MED16: variants seen among roughly 807,000 people sequenced by gnomAD.
MED16 encodes mediator of RNA polymerase II transcription subunit 16.
A neutral mutation model predicts 84.4 loss-of-function variants in MED16; 81 were observed. The ratio of observed to expected loss-of-function variants is 0.96; its 90% CI spans 0.80 to 1.15. The LOEUF (loss-of-function observed/expected upper bound fraction) is 1.15, where lower values mean the gene tolerates loss of function less well. Ranked by LOEUF, MED16 falls within the 50% of genes most tolerant of loss-of-function variation. The pLI is 0.00. For missense variants in MED16, 1,585 were observed against 1,245.9 expected, an observed-to-expected ratio of 1.27 and a Z score of -4.10; for synonymous variants, 897 against 552.2, an observed-to-expected ratio of 1.62 and a Z score of -8.76.
At chr19:875,094 G>A in intron 10 of MED16, 150 bp downstream of exon 10, 2 of 495,682 alleles carry the variant, frequency 4.0e-6, no homozygotes, top group East Asian at 3.4e-5. Flanking sequence ...AACCAGAGAG[G>A]CGGAGGCTGC....
chr19:882,657 C>T (rs1390113718), intron 6 of MED16, among the ~76,000 whole-genome samples: 7 of 152,342 alleles, frequency 4.6e-5, no homozygotes, highest in Middle Eastern at 3.4e-3. Context: ...CACGCCACCT[C>T]GGCTGCTAAC....
At chr19:876,877 G>A (rs1040469355) in intron 9 of MED16, 97 bp downstream of exon 9, 13 of 1,286,678 alleles carry the variant, frequency 1.0e-5, no homozygotes, top group Non-Finnish European at 1.3e-5. Flanking sequence ...ACCTGCCACG[G>A]GGCCCCCACC....
intron 1 of MED16, 94 bp from the exon 2 acceptor site, chr19:891,243 G>A (rs529997030): frequency 4.9e-5 from 61 of 1,247,284 alleles, no homozygotes; most frequent in African/African-American, 1.2e-4. Context: ...ATGGAGGCCC[G>A]TGGTAGAGGG....
chr19:880,211 G>T, intron 7 of MED16, 63 bp from the exon 8 acceptor site: 2 of 1,469,758 alleles, frequency 1.4e-6, no homozygotes, highest in South Asian at 1.3e-5. Context: ...CGGGGGAGGG[G>T]CCTCCTGCTC....
intron 13 of MED16, among the ~76,000 whole-genome samples, chr19:870,566 C>CA (rs1227950208): frequency 0.23 from 23,607 of 103,502 alleles, 2,435 homozygotes; most frequent in Non-Finnish European, 0.27. Context: ...GTCGGGGAGA[C>CA]AAAAAAAAAA....
At position 871,177 on chromosome 19, in the gene MED16, A is replaced by G. The variant is rs2036042526; in HGVS notation, c.2175T>C (p.Leu725=). 6.5e-7 allele frequency: 1 copy of G among 1,549,436 alleles called. No individual in the cohort carries two copies. The highest frequency in any genetic ancestry group is 8.7e-7 in the Non-Finnish European group (1 of 1,146,428). ...CTGGCAGCCAGTCCAGGCTGGGGAT[A>G]AGCAGCTGGCTGGGCAGCAGGCAGC... ...DECCLLPSQL[L]IPSLDWLPAS... is the part of the protein sequence containing the mutation. The change falls in exon 13 of 16, where the codon CTT becomes CTC. Residue 725 remains leucine, a synonymous_variant. Coordinates refer to ENST00000325464, the MANE Select transcript of MED16 (RefSeq NM_005481.3).
chr19:889,676 G>C lies in MED16; in HGVS notation c.409C>G (p.Leu137Val). Residue 137 changes from leucine (L) to valine (V), a missense_variant, in exon 4 of 16, where the codon CTG (leucine) becomes GTG (valine). Coordinates refer to ENST00000325464, the MANE Select transcript of MED16 (RefSeq NM_005481.3). The part of the protein sequence containing the change: ...EGDPIVALSW[L>V]HNGVKLALHV... Reference sequence around the variant, plus strand: ...AGGGCCAGTTTCACACCATTGTGCAGCCAGGACAGGGCCACAATGGGGTCC... The same window carrying C: ...AGGGCCAGTTTCACACCATTGTGCACCCAGGACAGGGCCACAATGGGGTCC... The C allele has an allele frequency of 1.2e-6, 2 of 1,613,872 alleles. No individual in the cohort carries two copies. Among genetic ancestry groups the C allele is most frequent in the South Asian group, 1.1e-5 (1 of 91,076 alleles).
In MED16 at chr19:881,728, G is replaced by A. The variant is rs745717218; in HGVS notation, c.986-14C>T. On this transcript the variant is annotated splice_polypyrimidine_tract_variant and intron_variant, in intron 6 of 15. Coordinates refer to ENST00000325464, the MANE Select transcript of MED16 (RefSeq NM_005481.3). ...GTTTGTCGCCAACTGAAAAATCAGG[G>A]GCAGGAAAACAGGAAGGCAATGGAG... The A allele has an allele frequency of 4.4e-6, 7 of 1,607,368 alleles. No individual in the cohort carries two copies. The highest frequency in any genetic ancestry group is 1.1e-5 in the South Asian group (1 of 90,736).
intron 1 of MED16, among the ~76,000 whole-genome samples, chr19:891,997 TGA>T (rs2036646588): frequency 7.7e-6 from 1 of 129,620 alleles, no homozygotes; most frequent in Admixed American, 7.7e-5. Flanking sequence ...GAGGCGGGGC[TGA>T]GTGTGACGGG....
chr19:868,023 G>C lies in MED16; in HGVS notation c.*78C>G. The C allele has an allele frequency of 6.7e-7, 1 of 1,502,366 alleles. No individual in the cohort carries two copies. The highest frequency in any genetic ancestry group is 8.9e-7 in the Non-Finnish European group (1 of 1,126,216). 93.1% of individuals were successfully genotyped at this position (1,502,366 alleles called of 1,614,324 possible). ...CAGCCGCTGCTTGTCCAGGTTCAGC[G>C]CTCTCCGCGGGTGAGGCAAGGAAAC... is the stretch of plus-strand genomic sequence containing the variant. On this transcript the variant is annotated 3_prime_UTR_variant, in exon 16 of 16. Coordinates refer to ENST00000325464, the MANE Select transcript of MED16 (RefSeq NM_005481.3).
At chr19:879,121 CCCCCAGCCCCAG>C (rs1284979363) in intron 8 of MED16, among the ~76,000 whole-genome samples, 3 of 120,174 alleles carry the variant, frequency 2.5e-5, no homozygotes, top group East Asian at 2.7e-4. Context: ...TTGTCAATAC[CCCCCAGCCCCAG>C]CCCCAGCCCC....
At position 877,187 on chromosome 19, in the gene MED16, G is replaced by C. The variant is rs994237986; in HGVS notation, c.1354-7C>G. On this transcript the variant is annotated splice_region_variant and splice_polypyrimidine_tract_variant and intron_variant, in intron 8 of 15. Transcript: ENST00000325464. ...AGAGGCGGAGCACGCTCAGCTGCCA[G>C]AGACAGAGCCCAAGGAGAGCCCGGT... The C allele has an allele frequency of 2.5e-6, 4 of 1,604,234 alleles. No homozygotes were observed. Among genetic ancestry groups the C allele is most frequent in the Admixed American group, 3.4e-5 (2 of 58,912 alleles).
chr19:886,433 G>A (rs2036529784), intron 4 of MED16, among the ~76,000 whole-genome samples: 1 of 152,248 alleles, frequency 6.6e-6, no homozygotes, highest in Non-Finnish European at 1.5e-5. Flanking sequence ...ACAGTGGGGA[G>A]GATTAAACGG....
chr19:888,825 G>A (rs767554568), intron 4 of MED16, among the ~76,000 whole-genome samples: 78 of 152,188 alleles, frequency 5.1e-4, no homozygotes, highest in Non-Finnish European at 9.4e-4. Context: ...GAAGGGACGA[G>A]AGAAAAGATC....
intron 12 of MED16, 98 bp from the exon 13 acceptor site, chr19:871,351 G>C (rs1315520140): frequency 1.4e-6 from 2 of 1,379,462 alleles, no homozygotes; most frequent in African/African-American, 2.9e-5. Context: ...GGAGCACCAG[G>C]TCAGGGCCCC....
intron 8 of MED16, among the ~76,000 whole-genome samples, chr19:879,424 C>G: frequency 1.4e-5 from 1 of 71,698 alleles, no homozygotes; most frequent in Non-Finnish European, 3.0e-5. Flanking sequence ...TCAATGCCCA[C>G]CAACCCCAGC....
rs960794390 is a variant in MED16 at position 867,977 on chromosome 19, G to A, written c.*124C>T. 59 of 1,317,034 alleles carry A rather than the reference G, an allele frequency of 4.5e-5. No homozygotes were observed. Among genetic ancestry groups the A allele is most frequent in the Middle Eastern group, 2.7e-4 (1 of 3,674 alleles). The allele number at this position is 1,317,034 out of a possible 1,614,324, so 81.6% of individuals were successfully genotyped here. ...GGACGCGGGCCTGGGCGCAGAGGGC[G>A]TTTATTGGACCTGTCCTTCCCAGCC... On this transcript the variant is annotated 3_prime_UTR_variant, in exon 16 of 16. Transcript: ENST00000325464.
Position 889,803 on chromosome 19 carries a change from G to C in MED16, c.282C>G (p.Ser94=). The change falls in exon 4 of 16, where the codon TCC becomes TCG. Residue 94 remains serine, a synonymous_variant. Transcript: ENST00000325464. ...CGTCGGCATCTGCTGACAGGAGCCGGGAGCCTGAGGGCAAGAAGCCATCAT... is the reference window on the plus strand; with the variant it reads ...CGTCGGCATCTGCTGACAGGAGCCGCGAGCCTGAGGGCAAGAAGCCATCAT... ...ITCLEWDQSG[S]RLLSADADGQ... is the part of the protein sequence containing the mutation. The C allele has an allele frequency of 6.2e-7, 1 of 1,609,788 alleles. No individual in the cohort carries two copies. Among genetic ancestry groups the C allele is most frequent in the Middle Eastern group, 1.7e-4 (1 of 5,964 alleles).
intron 13 of MED16, 89 bp downstream of exon 13, chr19:870,948 G>A (rs904524279): frequency 4.7e-5 from 62 of 1,330,516 alleles, no homozygotes; most frequent in Non-Finnish European, 6.0e-5. Context: ...AGGACATGCA[G>A]GGAGGGAGCC....
Sources: allele counts gnomAD v4.1 joint callset (sites outside exome capture counted in the v4.1 genomes callset), GRCh38; gene constraint gnomAD v4.1.1; transcripts MANE v1.5; gene names NCBI Gene and HGNC (gene_info 2026-07-23, HGNC 2026-07-21).